The following ATL2 variants were observed in gnomAD, a reference collection of about 807,000 sequenced individuals.
ATL2 encodes the protein atlastin-2.
In ATL2, 31 loss-of-function variants were observed where a neutral mutation model predicts 73.9. The observed-to-expected ratio is 0.42, with a 90% CI of 0.32 to 0.57. The LOEUF (loss-of-function observed/expected upper bound fraction) is 0.57, where lower values mean the gene tolerates loss of function less well. Among genes scored for constraint, ATL2 ranks in the 20% least tolerant of loss-of-function variants. ATL2 has a pLI of 0.14. For missense variants in ATL2, 738 were observed against 702.6 expected, an observed-to-expected ratio of 1.05 and a Z score of -0.57; for synonymous variants, 291 against 237.5, an observed-to-expected ratio of 1.23 and a Z score of -2.07.
chr2:38,312,303 G>A (rs915680031), intron 7 of ATL2, among the ~76,000 whole-genome samples: 1 of 152,154 alleles, frequency 6.6e-6, no homozygotes, highest in Non-Finnish European at 1.5e-5. Flanking sequence ...ATTCATGGGA[G>A]CAGAAATCCC....
intron 6 of ATL2, among the ~76,000 whole-genome samples, chr2:38,314,329 A>G (rs1403037174): frequency 6.6e-6 from 1 of 152,158 alleles, no homozygotes; most frequent in Non-Finnish European, 1.5e-5. Context: ...TATATTTCCT[A>G]TTGTCTTAAG....
At chr2:38,338,448 CTAAAA>C (rs1558427058) in intron 2 of ATL2, among the ~76,000 whole-genome samples, 1 of 151,990 alleles carries the variant, frequency 6.6e-6, no homozygotes, top group Non-Finnish European at 1.5e-5. Context: ...GCCCCTGATT[CTAAAA>C]TAAAAGTTAA....
intron 1 of ATL2, chr2:38,376,155 A>G (rs1452521142): frequency 5.2e-6 from 8 of 1,531,548 alleles, no homozygotes; most frequent in Non-Finnish European, 7.0e-6. Context: ...CTTTGAAAAA[A>G]CTTTATGCCT....
At chr2:38,351,276 T>A (rs1341655170) in intron 1 of ATL2, among the ~76,000 whole-genome samples, 1 of 152,164 alleles carries the variant, frequency 6.6e-6, no homozygotes, top group Non-Finnish European at 1.5e-5. Flanking sequence ...CTAGCACATA[T>A]TTTTTAAGAG....
chr2:38,365,729 G>C (rs1352346294), intron 1 of ATL2, among the ~76,000 whole-genome samples: 2 of 152,140 alleles, frequency 1.3e-5, no homozygotes, highest in Non-Finnish European at 2.9e-5. Flanking sequence ...AACCCTGGAA[G>C]CAGAGGTTGT....
chr2:38,308,721 A>T (rs1433129281), intron 9 of ATL2, among the ~76,000 whole-genome samples: 1 of 152,124 alleles, frequency 6.6e-6, no homozygotes, highest in Non-Finnish European at 1.5e-5. Flanking sequence ...TGTACCCCAT[A>T]AGTATATATA....
rs191621751 is a variant in ATL2 at position 38,294,714 on chromosome 2, T to A, written c.*1280A>T. Among the ~76,000 whole-genome samples the A allele has an allele frequency of 9.6e-4, 146 of 152,066 alleles. No individual in the cohort carries two copies. Among genetic ancestry groups the A allele is most frequent in the Middle Eastern group, 3.4e-3 (1 of 290 alleles). ...TAGGCTAATCATAGGTTTTCCCTTA[T>A]AGAGACAGACACAGAAAAGTAACTT... On this transcript the variant is annotated 3_prime_UTR_variant, in exon 13 of 13. Transcript: ENST00000378954.
intron 9 of ATL2, among the ~76,000 whole-genome samples, chr2:38,308,787 T>C (rs1297156889): frequency 6.6e-6 from 1 of 152,114 alleles, no homozygotes; most frequent in Non-Finnish European, 1.5e-5. Context: ...AAAAAATTCA[T>C]TCATAACTAA....
At chr2:38,338,355 G>A (rs1214890063) in intron 2 of ATL2, among the ~76,000 whole-genome samples, 2 of 152,020 alleles carry the variant, frequency 1.3e-5, no homozygotes, top group African/African-American at 2.4e-5. Context: ...TGGTTACTAC[G>A]CTCAATACCT....
chr2:38,334,001 G>A (rs1157182236), intron 2 of ATL2, among the ~76,000 whole-genome samples: 1 of 148,942 alleles, frequency 6.7e-6, no homozygotes, highest in Non-Finnish European at 1.5e-5. Flanking sequence ...GGGGAAGATA[G>A]TCCACATAAC....
chr2:38,307,098 C>T (rs1347627637), intron 9 of ATL2, among the ~76,000 whole-genome samples: 1 of 152,130 alleles, frequency 6.6e-6, no homozygotes, highest in Admixed American at 6.5e-5. Context: ...TGGCTCACAC[C>T]TGTAATCCCA....
intron 1 of ATL2, chr2:38,359,562 T>C (rs1037984832): frequency 2.6e-5 from 4 of 151,946 alleles, no homozygotes; most frequent in Non-Finnish European, 5.9e-5. Flanking sequence ...AAACAAAGAG[T>C]TGTTTTTCCT....
chr2:38,319,136 A>AT (rs953796449), intron 2 of ATL2, 117 bp from the exon 3 acceptor site: 1 of 1,078,044 alleles, frequency 9.3e-7, no homozygotes, highest in Non-Finnish European at 1.3e-6. Flanking sequence ...GACAAAAAAA[A>AT]CACTGTGTAA....
chr2:38,337,750 G>C (rs1465587380), intron 2 of ATL2, among the ~76,000 whole-genome samples: 3 of 151,750 alleles, frequency 2.0e-5, no homozygotes, highest in East Asian at 1.9e-4. Flanking sequence ...AAATTGTTTA[G>C]TATATGGGCA....
chr2:38,366,555 C>T (rs1456127810), intron 1 of ATL2, among the ~76,000 whole-genome samples: 1 of 152,198 alleles, frequency 6.6e-6, no homozygotes, highest in Non-Finnish European at 1.5e-5. Context: ...ATAGCCTACA[C>T]TTTGCTCTCT....
chr2:38,329,984 C>G (rs143081828), intron 2 of ATL2, among the ~76,000 whole-genome samples: 10,496 of 151,950 alleles, frequency 0.069, 472 homozygotes, highest in Non-Finnish European at 0.1. Context: ...CAAAAATTAG[C>G]CAGGCACGGT....
intron 4 of ATL2, among the ~76,000 whole-genome samples, chr2:38,317,701 T>C (rs1394668925): frequency 6.6e-6 from 1 of 152,132 alleles, no homozygotes; most frequent in Non-Finnish European, 1.5e-5. Context: ...GGGTTTTTTG[T>C]TTGTTTTAGC....
At chr2:38,296,198 C>G (rs1666884682) in intron 12 of ATL2, 85 bp from the exon 13 acceptor site, 10 of 1,436,314 alleles carry the variant, frequency 7.0e-6, no homozygotes, top group Non-Finnish European at 9.2e-6. Flanking sequence ...AAATTCAATT[C>G]AAAGCAATGA....
In ATL2 at chr2:38,318,992, T is replaced by C. The variant is rs1246007930; in HGVS notation, c.391A>G (p.Asn131Asp). The C allele has an allele frequency of 1.2e-6, 2 of 1,613,904 alleles. No homozygotes were observed. The highest frequency in any genetic ancestry group is 1.7e-6 in the Non-Finnish European group (2 of 1,179,928). ...CATGTAAAGCCTGTCAATGGTTCAT[T>C]GTTTCCACCAATCCAACTTTGAGAA... Reference protein sequence around the residue: ...KDSQSWIGGNNEPLTGFTWRG... With the variant: ...KDSQSWIGGNDEPLTGFTWRG... The change falls in exon 3 of 13, where the codon AAT becomes GAT. Residue 131 changes from asparagine to aspartate, a missense_variant. Asn to Asp is a conservative substitution (Grantham distance 23). Transcript: ENST00000378954.
Sources: gnomAD v4.1 joint callset for allele counts (sites outside exome capture counted in the v4.1 genomes callset) on GRCh38, gnomAD v4.1.1 for gene constraint, MANE v1.5 for transcripts, NCBI Gene and HGNC (gene_info 2026-07-23, HGNC 2026-07-21) for gene names.